Variants in PACS1 observed in about 807,000 individuals in gnomAD.
PACS1 encodes phosphofurin acidic cluster sorting protein 1.
In PACS1, 24 loss-of-function variants were observed where a neutral mutation model predicts 115.0. That is an observed-to-expected ratio of 0.21 (90% confidence interval 0.15 to 0.29). The LOEUF (loss-of-function observed/expected upper bound fraction) is 0.29, where lower values mean the gene tolerates loss of function less well. PACS1 is among the 10% of genes least tolerant of loss of function. The probability of loss-of-function intolerance (pLI) is 1.00; values close to 1 mark genes in which losing one functional copy is unlikely to be tolerated. For missense variants in PACS1, 838 were observed against 1,251.2 expected, an observed-to-expected ratio of 0.67 and a Z score of 4.98; for synonymous variants, 453 against 504.5, an observed-to-expected ratio of 0.90 and a Z score of 1.37.
Position 66,241,437 on chromosome 11 carries a change from A to G in PACS1, c.2440A>G (p.Ser814Gly). The G allele has an allele frequency of 6.3e-7, 1 of 1,594,858 alleles. No individual in the cohort carries two copies. The highest frequency in any genetic ancestry group is 1.1e-5 in the South Asian group (1 of 88,460). The change falls in exon 22 of 24, where the codon AGC becomes GGC. Residue 814 changes from serine (S) to glycine (G), a missense_variant. This residue lies in a region of PACS1 where 383 missense variants were observed against 537.0 expected (regional missense o/e 0.71). Transcript: ENST00000320580. ...SALAIVGSPN[S>G]PYGDVIGLQV... ...GTTCCCTTTCCTCAGGAGCCCTAAT[A>G]GCCCATATGGGGACGTGATTGGCCT...
chr11:66,118,634 G>C (rs1565113538), intron 1 of PACS1, among the ~76,000 whole-genome samples: 2 of 151,066 alleles, frequency 1.3e-5, no homozygotes, highest in Admixed American at 6.6e-5. Context: ...AAATAAAAAG[G>C]ATATTTTCTA....
intron 1 of PACS1, among the ~76,000 whole-genome samples, chr11:66,126,552 C>G (rs1472869106): frequency 6.6e-6 from 1 of 152,132 alleles, no homozygotes; most frequent in African/African-American, 2.4e-5. Context: ...GCAATCATTT[C>G]CACTGTATGT....
At chr11:66,095,548 C>A (rs1018554218) in intron 1 of PACS1, among the ~76,000 whole-genome samples, 15 of 152,218 alleles carry the variant, frequency 9.9e-5, no homozygotes, top group African/African-American at 1.4e-4. Context: ...AACTCAATCT[C>A]CTGGATTCAA....
chr11:66,197,289 A>G lies in PACS1; in HGVS notation c.444+3716A>G, dbSNP rs527893605. 7.2e-5 allele frequency among the ~76,000 whole-genome samples: 11 copies of G among 152,316 alleles called. No homozygotes were observed. In the South Asian group the frequency reaches 2.1e-3, roughly 29 times the overall value. On this transcript the variant is annotated intron_variant, in intron 2 of 23. Transcript: ENST00000320580. ...CATTTATCAAAACTAAGAAATTATCATTGGTATGATACTATTAATTAAATT... is the reference window on the plus strand; with the variant it reads ...CATTTATCAAAACTAAGAAATTATCGTTGGTATGATACTATTAATTAAATT...
intron 1 of PACS1, among the ~76,000 whole-genome samples, chr11:66,159,297 C>T (rs537811287): frequency 6.6e-6 from 1 of 152,010 alleles, no homozygotes; most frequent in Non-Finnish European, 1.5e-5. Context: ...ATTAGCTGGG[C>T]GTGGTGGCAC....
intron 2 of PACS1, among the ~76,000 whole-genome samples, chr11:66,209,597 C>T (rs1283272851): frequency 2.0e-5 from 3 of 152,090 alleles, no homozygotes; most frequent in African/African-American, 2.4e-5. Flanking sequence ...AATAAAGACT[C>T]ATGAAATATT....
chr11:66,156,160 T>C (rs1859348482), intron 1 of PACS1, among the ~76,000 whole-genome samples: 1 of 147,236 alleles, frequency 6.8e-6, no homozygotes, highest in African/African-American at 2.5e-5. Flanking sequence ...TTTTGTTTAT[T>C]GTCTGTAAAT....
intron 1 of PACS1, among the ~76,000 whole-genome samples, chr11:66,082,479 G>A (rs948183017): frequency 2.8e-4 from 43 of 152,162 alleles, no homozygotes; most frequent in African/African-American, 1.0e-3. Context: ...TTACAGGTGT[G>A]AGCCACTATG....
At chr11:66,077,542 C>A (rs1324250341) in intron 1 of PACS1, among the ~76,000 whole-genome samples, 1 of 152,054 alleles carries the variant, frequency 6.6e-6, no homozygotes, top group Non-Finnish European at 1.5e-5. Context: ...GCCTGGGCAA[C>A]AGAGTAAGAC....
chr11:66,134,254 CTTTTTTTTTTTTTTT>C (rs1162472902), intron 1 of PACS1, among the ~76,000 whole-genome samples: 2 of 75,064 alleles, frequency 2.7e-5, no homozygotes, highest in Non-Finnish European at 4.6e-5. Flanking sequence ...TTTTCTTTTT[CTTTTTTTTTTTTTTT>C]TTTTTTTTTT....
At chr11:66,214,032 CAAAAAAAAA>C (rs71036278) in intron 4 of PACS1, among the ~76,000 whole-genome samples, 2 of 42,990 alleles carry the variant, frequency 4.7e-5, no homozygotes, top group South Asian at 1.7e-3. Context: ...GACTCCATCT[CAAAAAAAAA>C]AAAAAAAAAA....
At chr11:66,201,674 T>TC (rs1293924173) in intron 2 of PACS1, among the ~76,000 whole-genome samples, 1 of 150,992 alleles carries the variant, frequency 6.6e-6, no homozygotes, top group Admixed American at 6.6e-5. Flanking sequence ...TTTTTTTTTT[T>TC]CTGAGACGGA....
chr11:66,214,385 C>T (rs1033708052), intron 4 of PACS1, among the ~76,000 whole-genome samples: 17 of 152,236 alleles, frequency 1.1e-4, no homozygotes, highest in African/African-American at 3.1e-4. Flanking sequence ...CAGTGACAGG[C>T]GACCACCACC....
rs576431919 is a variant in PACS1, at chr11:66,074,892, G to A, written c.356+4050G>A. On this transcript the variant is annotated intron_variant, in intron 1 of 23. Transcript: ENST00000320580. ...TACTCTATCTTCTTACTATATACTA[G>A]GACAAACTCTTCCATGCATTAGTTT... is the stretch of plus-strand genomic sequence containing the variant. Among the ~76,000 whole-genome samples, 7 of 151,644 alleles carry A rather than the reference G, an allele frequency of 4.6e-5. No individual in the cohort carries two copies. In the South Asian group the frequency reaches 1.5e-3, roughly 32 times the overall value.
chr11:66,183,837 A>T (rs1860058433), intron 1 of PACS1, among the ~76,000 whole-genome samples: 1 of 152,164 alleles, frequency 6.6e-6, no homozygotes, highest in African/African-American at 2.4e-5. Flanking sequence ...TAAGAGGCAG[A>T]TTATTCAGAA....
chr11:66,075,211 G>A (rs1482079367), intron 1 of PACS1, among the ~76,000 whole-genome samples: 1 of 152,060 alleles, frequency 6.6e-6, no homozygotes, highest in African/African-American at 2.4e-5. Context: ...CCAAAGTGCT[G>A]GGATTACAGG....
intron 1 of PACS1, among the ~76,000 whole-genome samples, chr11:66,178,082 A>G (rs1397366220): frequency 1.3e-5 from 2 of 149,036 alleles, no homozygotes; most frequent in African/African-American, 2.6e-5. Context: ...TTTACTAAGT[A>G]TTGAGTAGAT....
chr11:66,197,740 T>A (rs1854681264), intron 2 of PACS1, among the ~76,000 whole-genome samples: 1 of 152,084 alleles, frequency 6.6e-6, no homozygotes, highest in Admixed American at 6.5e-5. Context: ...TACAATGAGT[T>A]ATGATCACAC....
intron 2 of PACS1, among the ~76,000 whole-genome samples, chr11:66,202,742 A>AAAAAAAAATATATATATAT (rs1200930188): frequency 1.4e-5 from 1 of 71,652 alleles, no homozygotes; most frequent in African/African-American, 8.0e-5. Context: ...AAAAAAAAAA[A>AAAAAAAAATATATATATAT]ATATATATAT....
Sources: allele counts gnomAD v4.1 joint callset (sites outside exome capture counted in the v4.1 genomes callset), GRCh38; gene constraint gnomAD v4.1.1; regional missense constraint gnomAD v4.1.1; transcripts MANE v1.5; gene names NCBI Gene and HGNC (gene_info 2026-07-23, HGNC 2026-07-21).